Variants in ADAMTS6 observed in about 807,000 individuals in gnomAD.
The protein encoded by ADAMTS6 is A disintegrin and metalloproteinase with thrombospondin motifs 6.
A neutral mutation model predicts 144.3 loss-of-function variants in ADAMTS6; 23 were observed. The observed-to-expected ratio is 0.16, with a 90% CI of 0.11 to 0.23. The LOEUF (loss-of-function observed/expected upper bound fraction) is 0.23. Ranked by LOEUF, ADAMTS6 falls within the 10% of genes least tolerant of loss-of-function variation. ADAMTS6 has a pLI of 1.00. For missense variants in ADAMTS6, 999 were observed against 1,379.6 expected (o/e 0.72, Z 4.37); for synonymous variants, 444 against 457.5 (o/e 0.97, Z 0.38).
Position 65,206,157 on chromosome 5 carries a change from T to C in ADAMTS6, c.2575+8637A>G, listed in dbSNP as rs372996601. On this transcript the variant is annotated intron_variant, in intron 20 of 24. Coordinates refer to ENST00000381055, the MANE Select transcript of ADAMTS6 (RefSeq NM_197941.4). ...AAACTTTTTCAGTTCACAGTATCCT[T>C]AGTATCTCTAATTTTAAAAATAACA... Among the ~76,000 whole-genome samples the C allele has an allele frequency of 2.0e-5, 3 of 152,288 alleles. No individual in the cohort carries two copies. In the East Asian group the frequency reaches 5.8e-4, roughly 29 times the overall value.
chr5:65,287,322 A>T (rs983564155), intron 11 of ADAMTS6, among the ~76,000 whole-genome samples: 2 of 152,192 alleles, frequency 1.3e-5, no homozygotes, highest in African/African-American at 4.8e-5. Flanking sequence ...AGTAACAGAC[A>T]TTACCTGATA....
chr5:65,175,883 A>C (rs1289304718), intron 22 of ADAMTS6, among the ~76,000 whole-genome samples: 4 of 152,304 alleles, frequency 2.6e-5, no homozygotes, highest in East Asian at 1.9e-4. Context: ...AAAAAAAAAA[A>C]AAACATCTAT....
In ADAMTS6 at chr5:65,332,308, TATATAG is replaced by T. The variant is rs1178926407; in HGVS notation, c.1117+1728_1117+1733del. 6.4e-3 allele frequency among the ~76,000 whole-genome samples: 703 copies of T among 109,376 alleles called. 1 individual carries two copies. Among genetic ancestry groups the T allele is most frequent in the Middle Eastern group, 0.019 (4 of 206 alleles). The allele number at this position is 109,376 out of a possible 152,430, so 71.8% of individuals were successfully genotyped here. On this transcript the variant is annotated intron_variant, in intron 8 of 24. Coordinates refer to ENST00000381055, the MANE Select transcript of ADAMTS6 (RefSeq NM_197941.4). ...GAGGGTATATATATATATATATATA[TATATAG>T]AGAGAGAGAGAGAGAGAGAGAGAGA...
At chr5:65,417,734 C>T (rs1430270958) in intron 7 of ADAMTS6, among the ~76,000 whole-genome samples, 1 of 151,582 alleles carries the variant, frequency 6.6e-6, no homozygotes, top group Non-Finnish European at 1.5e-5. Context: ...TCATAGATGA[C>T]ACAAATGGGA....
intron 22 of ADAMTS6, among the ~76,000 whole-genome samples, chr5:65,183,098 T>A (rs561719398): frequency 6.6e-6 from 1 of 152,360 alleles, no homozygotes; most frequent in South Asian, 2.1e-4. Context: ...GAAATGCCAC[T>A]TTAACCTGGT....
intron 12 of ADAMTS6, among the ~76,000 whole-genome samples, chr5:65,265,007 T>C (rs753796043): frequency 2.0e-5 from 3 of 151,996 alleles, no homozygotes; most frequent in Non-Finnish European, 4.4e-5. Context: ...TGTTTCCTAG[T>C]AGATGGTACC....
intron 8 of ADAMTS6, 71 bp from the exon 9 acceptor site, chr5:65,329,554 A>G: frequency 7.6e-7 from 1 of 1,318,804 alleles, no homozygotes. Flanking sequence ...ATATTTATAA[A>G]TGCCTGGATT....
chr5:65,211,147 G>C lies in ADAMTS6; in HGVS notation c.2575+3647C>G, dbSNP rs76876996. On this transcript the variant is annotated intron_variant, in intron 20 of 24. Coordinates refer to ENST00000381055, the MANE Select transcript of ADAMTS6 (RefSeq NM_197941.4). ...GGTCAAAGTTCCTAAACTCTAAAGG[G>C]ACTTTACTTCCCTCAATCATAAGCT... 1.6e-4 allele frequency among the ~76,000 whole-genome samples: 24 copies of C among 152,250 alleles called. No individual in the cohort carries two copies. The East Asian group carries it at 4.4e-3, about 28-fold the overall frequency.
chr5:65,215,504 A>C lies in ADAMTS6; in HGVS notation c.2273-17T>G. 6.3e-7 allele frequency: 1 copy of C among 1,593,418 alleles called. No homozygotes were observed. Among genetic ancestry groups the C allele is most frequent in the Non-Finnish European group, 8.5e-7 (1 of 1,171,182 alleles). Reference sequence around the variant, plus strand: ...ATTTTAAAGCTAGAAAACAAATCACAATTCACCTAAAAATGTGAAATTTCA... The same window carrying C: ...ATTTTAAAGCTAGAAAACAAATCACCATTCACCTAAAAATGTGAAATTTCA... On this transcript the variant is annotated splice_polypyrimidine_tract_variant and intron_variant, in intron 18 of 24. Coordinates refer to ENST00000381055, the MANE Select transcript of ADAMTS6 (RefSeq NM_197941.4).
chr5:65,387,133 A>G (rs960549645), intron 7 of ADAMTS6, among the ~76,000 whole-genome samples: 1 of 152,224 alleles, frequency 6.6e-6, no homozygotes, highest in African/African-American at 2.4e-5. Context: ...TGGTTCAAAT[A>G]TAAGGCAGAA....
chr5:65,262,493 A>T (rs1761284431), intron 13 of ADAMTS6, among the ~76,000 whole-genome samples: 5 of 152,164 alleles, frequency 3.3e-5, no homozygotes, highest in Admixed American at 3.3e-4. Flanking sequence ...TGTAGCTAAG[A>T]CCAGATCTGG....
intron 14 of ADAMTS6, among the ~76,000 whole-genome samples, chr5:65,244,915 T>C (rs1199769538): frequency 6.6e-6 from 1 of 152,166 alleles, no homozygotes; most frequent in African/African-American, 2.4e-5. Context: ...CTTTCTTATC[T>C]TTCCAAATTA....
At chr5:65,174,908 G>T (rs1178675438) in intron 22 of ADAMTS6, among the ~76,000 whole-genome samples, 1 of 152,128 alleles carries the variant, frequency 6.6e-6, no homozygotes, top group African/African-American at 2.4e-5. Context: ...GGATTTAAGG[G>T]AGATTATGGT....
intron 7 of ADAMTS6, among the ~76,000 whole-genome samples, chr5:65,438,904 C>A (rs1318183154): frequency 6.6e-6 from 1 of 152,192 alleles, no homozygotes; most frequent in Admixed American, 6.5e-5. Flanking sequence ...TCTAGAATTT[C>A]TGTACAAGAA....
At chr5:65,350,495 G>A (rs915186078) in intron 7 of ADAMTS6, among the ~76,000 whole-genome samples, 26 of 152,266 alleles carry the variant, frequency 1.7e-4, no homozygotes, top group African/African-American at 5.8e-4. Context: ...CAAAGCTCAT[G>A]TAAGGGTCTG....
intron 1 of ADAMTS6, among the ~76,000 whole-genome samples, chr5:65,478,540 G>A (rs1051289806): frequency 2.0e-5 from 3 of 152,112 alleles, no homozygotes; most frequent in Non-Finnish European, 4.4e-5. Context: ...TACATATGAC[G>A]TAAAGTGTCT....
rs377052865 is a variant in ADAMTS6 at position 65,291,295 on chromosome 5, T to C, written c.1512+34A>G. ...CATCTGTGTCATGGAAGAACACGTA[T>C]AAATGACGAAACATAAGGATGAAGA... On this transcript the variant is annotated intron_variant, in intron 11 of 24. Transcript: ENST00000381055. 1.3e-5 allele frequency: 20 copies of C among 1,592,774 alleles called. No individual in the cohort carries two copies. In the African/African-American group the frequency reaches 1.5e-4, roughly 12 times the overall value.
intron 22 of ADAMTS6, among the ~76,000 whole-genome samples, chr5:65,176,374 G>T (rs1050559166): frequency 6.6e-6 from 1 of 152,198 alleles, no homozygotes; most frequent in Non-Finnish European, 1.5e-5. Context: ...TGTGCAAGTT[G>T]TATAAGGAAA....
At chr5:65,434,152 A>T (rs1452365436) in intron 7 of ADAMTS6, among the ~76,000 whole-genome samples, 3 of 152,232 alleles carry the variant, frequency 2.0e-5, no homozygotes, top group Non-Finnish European at 4.4e-5. Context: ...GTTACAAAAG[A>T]TCTCATATTT....
Sources: allele counts gnomAD v4.1 joint callset (sites outside exome capture counted in the v4.1 genomes callset), GRCh38; gene constraint gnomAD v4.1.1; transcripts MANE v1.5; gene names NCBI Gene and HGNC (gene_info 2026-07-23, HGNC 2026-07-21).